ELF5: variants seen among roughly 807,000 people sequenced by gnomAD.
ELF5 encodes the protein ETS-related transcription factor Elf-5.
ELF5 carries 31 observed loss-of-function variants against 38.2 expected under a neutral mutation model. The observed-to-expected ratio is 0.81, with a 90% CI of 0.61 to 1.10. The LOEUF (loss-of-function observed/expected upper bound fraction) is 1.10, where lower values mean the gene tolerates loss of function less well. ELF5 is among the 50% of genes least tolerant of loss of function. The probability of loss-of-function intolerance (pLI) is 0.00; values close to 1 mark genes in which losing one functional copy is unlikely to be tolerated. For synonymous variants in ELF5, 121 were observed against 112.5 expected, an observed-to-expected ratio of 1.08 and a Z score of -0.48; for missense variants, 300 against 306.6, an observed-to-expected ratio of 0.98 and a Z score of 0.16.
At chr11:34,510,288 CT>C (rs1434721286) in intron 1 of ELF5, among the ~76,000 whole-genome samples, 1 of 148,366 alleles carries the variant, frequency 6.7e-6, no homozygotes, top group Non-Finnish European at 1.5e-5. Context: ...GAAAAAATAT[CT>C]TTTATAAAAG....
At chr11:34,509,880 C>T (rs1428287306) in intron 1 of ELF5, among the ~76,000 whole-genome samples, 1 of 152,136 alleles carries the variant, frequency 6.6e-6, no homozygotes, top group Non-Finnish European at 1.5e-5. Context: ...AAACAGAAAA[C>T]AGTCCCCAGG....
intron 1 of ELF5, among the ~76,000 whole-genome samples, chr11:34,506,553 C>T (rs904341767): frequency 5.3e-5 from 8 of 152,106 alleles, no homozygotes; most frequent in Non-Finnish European, 1.2e-4. Context: ...CCTGCTCTGT[C>T]GCCAGGCTGG....
intron 1 of ELF5, among the ~76,000 whole-genome samples, chr11:34,511,001 T>C (rs573922425): frequency 1.2e-4 from 18 of 152,246 alleles, no homozygotes; most frequent in Non-Finnish European, 2.4e-4. Flanking sequence ...ATTCTGCCTC[T>C]TGCCCCTCTC....
chr11:34,491,107 A>G (rs1850160928), intron 3 of ELF5, among the ~76,000 whole-genome samples: 1 of 152,292 alleles, frequency 6.6e-6, no homozygotes, highest in East Asian at 1.9e-4. Flanking sequence ...CCAGAGTCAA[A>G]ACCTATGGGG....
Position 34,493,501 on chromosome 11 carries a change from G to T in ELF5, c.333C>A (p.Ile111=), listed in dbSNP as rs1437692976. The T allele has an allele frequency of 1.2e-6, 2 of 1,613,948 alleles. No homozygotes were observed. The highest frequency in any genetic ancestry group is 1.6e-4 in the Middle Eastern group (1 of 6,062). ...AGLCGEYLYF[I]LQNIRTQGYS... ...GACCTTGTGTGCGGATGTTCTGGAG[G>T]ATGAAGTACAGGTACTCGCCGCAGA... The change falls in exon 3 of 7, where the codon ATC becomes ATA. Residue 111 remains isoleucine, a synonymous_variant. Coordinates refer to ENST00000257832, the MANE Select transcript of ELF5 (RefSeq NM_001422.4).
intron 2 of ELF5, among the ~76,000 whole-genome samples, chr11:34,493,933 T>C (rs1320409657): frequency 6.6e-6 from 1 of 152,090 alleles, no homozygotes; most frequent in South Asian, 2.1e-4. Context: ...ATAGAGGGAA[T>C]GACAGGGGCA....
intron 4 of ELF5, among the ~76,000 whole-genome samples, chr11:34,488,732 T>C (rs968293186): frequency 6.6e-6 from 1 of 152,222 alleles, no homozygotes; most frequent in African/African-American, 2.4e-5. Context: ...GTGATTCCTA[T>C]TTGTAGGTGA....
intron 2 of ELF5, among the ~76,000 whole-genome samples, chr11:34,503,463 A>G (rs1443270463): frequency 1.5e-5 from 2 of 130,750 alleles, no homozygotes; most frequent in Non-Finnish European, 3.2e-5. Context: ...CCTGCTCCCC[A>G]ACCTTTTTTT....
chr11:34,480,123 AAAAG>A lies in ELF5; in HGVS notation c.*91_*94del, dbSNP rs1856898819. 8.7e-6 allele frequency: 9 copies of A among 1,035,870 alleles called. No individual in the cohort carries two copies. In the Admixed American group the frequency reaches 1.9e-4, roughly 22 times the overall value. 64.2% of individuals were successfully genotyped at this position (1,035,870 alleles called of 1,614,324 possible). Reference sequence around the variant, plus strand: ...TATCAGCATGTTTGCAGGTTAAAAAAAAAGAGAAGAAAATGAAGCCTTTCGAATG... The same window carrying A: ...TATCAGCATGTTTGCAGGTTAAAAAAAGAAGAAAATGAAGCCTTTCGAATG... On this transcript the variant is annotated 3_prime_UTR_variant, in exon 7 of 7. Transcript: ENST00000257832.
At position 34,479,699 on chromosome 11, in the gene ELF5, A is replaced by AT. The variant is rs1404091333; in HGVS notation, c.*518_*519insA. 1 of 152,826 alleles carries AT rather than the reference A, an allele frequency of 6.5e-6. No homozygotes were observed. The highest frequency in any genetic ancestry group is 1.5e-5 in the Non-Finnish European group (1 of 68,334). The allele number at this position is 152,826 out of a possible 1,614,324, so 9.5% of individuals were successfully genotyped here. A position where few individuals can be genotyped will look rare whatever the true frequency, so the allele number is the denominator to read the frequency against. Reference sequence around the variant, plus strand: ...GTGAGAACCCGTCTCAAAAAAAAAAAAAGGGATACTTTTCTATGGATTTTT... The same window carrying AT: ...GTGAGAACCCGTCTCAAAAAAAAAAATAAGGGATACTTTTCTATGGATTTTT... On this transcript the variant is annotated 3_prime_UTR_variant, in exon 7 of 7. Transcript: ENST00000257832.
chr11:34,480,437 T>A (rs558163235), intron 6 of ELF5, 123 bp from the exon 7 acceptor site: 1 of 764,254 alleles, frequency 1.3e-6, no homozygotes, highest in South Asian at 1.7e-5. Context: ...CCCTGGTATT[T>A]TCATGCCCTG....
chr11:34,489,375 G>A (rs185040631), intron 4 of ELF5, among the ~76,000 whole-genome samples: 16 of 152,284 alleles, frequency 1.1e-4, no homozygotes, highest in African/African-American at 3.4e-4. Flanking sequence ...GCCCATGGGG[G>A]AATGGGGTTT....
rs376193070 is a variant in ELF5, at chr11:34,479,971, A to G, written c.*247T>C. ...AACTCTAGGAAAATAAAGTTTGATC[A>G]AGACACCACAAAAGATCATCCCCTC... On this transcript the variant is annotated 3_prime_UTR_variant, in exon 7 of 7. Transcript: ENST00000257832. 12 of 479,006 alleles carry G rather than the reference A, an allele frequency of 2.5e-5. No individual in the cohort carries two copies. Among genetic ancestry groups the G allele is most frequent in the Admixed American group, 1.2e-4 (3 of 25,996 alleles). 29.7% of individuals were successfully genotyped at this position (479,006 alleles called of 1,614,324 possible).
intron 4 of ELF5, among the ~76,000 whole-genome samples, chr11:34,484,313 CTGTACCATATATT>C (rs1328241736): frequency 6.6e-6 from 1 of 151,582 alleles, no homozygotes; most frequent in African/African-American, 2.4e-5. Context: ...ACTAACTATA[CTGTACCATATATT>C]GTATTCTACT....
At chr11:34,495,695 G>C (rs1850298690) in intron 2 of ELF5, among the ~76,000 whole-genome samples, 1 of 152,200 alleles carries the variant, frequency 6.6e-6, no homozygotes, top group African/African-American at 2.4e-5. Context: ...GGCTGATGTC[G>C]TAGCCTCTAC....
chr11:34,499,099 A>AC (rs1452022233), intron 2 of ELF5, among the ~76,000 whole-genome samples: 1 of 152,062 alleles, frequency 6.6e-6, no homozygotes, highest in Non-Finnish European at 1.5e-5. Flanking sequence ...TTCCAAAAAA[A>AC]AAAAATCATT....
chr11:34,490,854 C>T lies in ELF5; in HGVS notation c.356-795G>A, dbSNP rs548278511. ...TTCTCATTGGTTTTGGTCAGCCACG[C>T]GCCTCAGTTGACTCTGTCCAAAGGG... is the stretch of plus-strand genomic sequence containing the variant. On this transcript the variant is annotated intron_variant, in intron 3 of 6. Transcript: ENST00000257832. Among the ~76,000 whole-genome samples the T allele has an allele frequency of 8.5e-5, 13 of 152,228 alleles. No homozygotes were observed. In the East Asian group the frequency reaches 9.6e-4, roughly 11 times the overall value.
intron 2 of ELF5, among the ~76,000 whole-genome samples, chr11:34,504,514 C>T (rs1850555932): frequency 6.6e-6 from 1 of 152,154 alleles, no homozygotes; most frequent in Non-Finnish European, 1.5e-5. Context: ...TGGTCCCTGG[C>T]CCCAGAGGCA....
At chr11:34,482,575 C>T in intron 4 of ELF5, 76 bp from the exon 5 acceptor site, 3 of 1,200,166 alleles carry the variant, frequency 2.5e-6, no homozygotes, top group East Asian at 2.4e-5. Flanking sequence ...CCCAAATGAG[C>T]AAATACTAAT....
Sources: allele counts gnomAD v4.1 joint callset (sites outside exome capture counted in the v4.1 genomes callset), GRCh38; gene constraint gnomAD v4.1.1; transcripts MANE v1.5; gene names NCBI Gene and HGNC (gene_info 2026-07-23, HGNC 2026-07-21).